FADS3: variants seen among roughly 807,000 people sequenced by gnomAD.
The protein encoded by FADS3 is fatty acid desaturase 3.
A neutral mutation model predicts 60.4 loss-of-function variants in FADS3; 30 were observed. The ratio of observed to expected loss-of-function variants is 0.50; its 90% CI spans 0.37 to 0.67. FADS3 has a LOEUF of 0.67. FADS3 is among the 30% of genes least tolerant of loss of function. The pLI is 0.00. For synonymous variants in FADS3, 234 were observed against 249.3 expected, an observed-to-expected ratio of 0.94 and a Z score of 0.58; for missense variants, 432 against 598.3, an observed-to-expected ratio of 0.72 and a Z score of 2.90.
chr11:61,878,243 A>G (rs757053135), intron 5 of FADS3, 28 bp from the exon 6 acceptor site: 21 of 1,610,356 alleles, frequency 1.3e-5, no homozygotes, highest in East Asian at 2.2e-5. Flanking sequence ...GGCTGGAGAC[A>G]GCAGCTCTCC....
At chr11:61,891,009 C>T (rs1331794311) in intron 1 of FADS3, among the ~76,000 whole-genome samples, 160 bp downstream of exon 1, 1 of 152,222 alleles carries the variant, frequency 6.6e-6, no homozygotes, top group African/African-American at 2.4e-5. Context: ...CCACATCTGG[C>T]CCTGGCTAGT....
At chr11:61,878,002 G>T in intron 6 of FADS3, 153 bp downstream of exon 6, 1 of 724,994 alleles carries the variant, frequency 1.4e-6, no homozygotes, top group Non-Finnish European at 2.4e-6. Flanking sequence ...GGGAGAGTGT[G>T]TACAGACTGC....
intron 11 of FADS3, among the ~76,000 whole-genome samples, chr11:61,874,503 C>T (rs1460797026): frequency 6.6e-6 from 1 of 152,216 alleles, no homozygotes; most frequent in East Asian, 1.9e-4. Flanking sequence ...GCCCCATCAC[C>T]CCTCGCCTGG....
In FADS3 at chr11:61,873,874, TG is replaced by T; in HGVS notation, c.1287-10del. 4.8e-6 allele frequency: 5 copies of T among 1,032,484 alleles called. No homozygotes were observed. The highest frequency in any genetic ancestry group is 5.1e-6 in the Non-Finnish European group (4 of 776,932). 64.0% of individuals were successfully genotyped at this position (1,032,484 alleles called of 1,614,324 possible). On this transcript the variant is annotated splice_polypyrimidine_tract_variant and intron_variant, in intron 11 of 11. Transcript: ENST00000278829. ...CAGACTTCTTCAGGGACCTGGGAGG[TG>T]GGGGTGGCAGTGGGGGTGGGTGTTA... is the stretch of plus-strand genomic sequence containing the variant.
chr11:61,883,484 C>A (rs185247265), intron 1 of FADS3, among the ~76,000 whole-genome samples: 2 of 152,348 alleles, frequency 1.3e-5, no homozygotes, highest in East Asian at 3.9e-4. Context: ...CCAGCCCACA[C>A]CAGCAGGCAT....
chr11:61,888,345 G>T lies in FADS3; in HGVS notation c.213+2824C>A, dbSNP rs369215117. Among the ~76,000 whole-genome samples the T allele has an allele frequency of 2.4e-4, 37 of 152,348 alleles. No homozygotes were observed. The East Asian group carries it at 6.7e-3, about 28-fold the overall frequency. On this transcript the variant is annotated intron_variant, in intron 1 of 11. Coordinates refer to ENST00000278829, the MANE Select transcript of FADS3 (RefSeq NM_021727.5). ...ACTGGCTGCCCCACCTCCACCTGAG[G>T]CCACCGCCCGGGATGGGATGCCTGG...
intron 1 of FADS3, among the ~76,000 whole-genome samples, chr11:61,884,720 T>C (rs1034025983): frequency 6.6e-6 from 1 of 151,944 alleles, no homozygotes; most frequent in Non-Finnish European, 1.5e-5. Flanking sequence ...CCCAGGAACA[T>C]CCACCCAGGG....
At chr11:61,878,276 A>AG in intron 5 of FADS3, 61 bp from the exon 6 acceptor site, 1 of 1,559,174 alleles carries the variant, frequency 6.4e-7, no homozygotes, top group Non-Finnish European at 8.8e-7. Context: ...TCTCCCGGGC[A>AG]AGGTCACGGG....
At chr11:61,884,396 C>T (rs190987973) in intron 1 of FADS3, among the ~76,000 whole-genome samples, 2 of 152,272 alleles carry the variant, frequency 1.3e-5, no homozygotes, top group Non-Finnish European at 2.9e-5. Flanking sequence ...TTGACGGGTG[C>T]AGCAAACCAC....
intron 2 of FADS3, 149 bp downstream of exon 2, chr11:61,879,892 C>T: frequency 1.6e-6 from 1 of 632,880 alleles, no homozygotes; most frequent in Admixed American, 3.0e-5. Flanking sequence ...CTGCCTGCCC[C>T]CTGGGAGGGG....
chr11:61,876,026 G>A lies in FADS3; in HGVS notation c.1161-50C>T. 6.2e-7 allele frequency: 1 copy of A among 1,612,120 alleles called. No homozygotes were observed. The highest frequency in any genetic ancestry group is 8.5e-7 in the Non-Finnish European group (1 of 1,179,230). On this transcript the variant is annotated intron_variant, in intron 10 of 11. Transcript: ENST00000278829. This position sits in a 1 kb window ranked among gnomAD's most constrained non-coding sequence, Gnocchi z 5.7. ...CACCTGAAGTGGGAGATTCCAGAGA[G>A]AGGCCCCACCCACGGGTCCCCTCCC...
rs1420697354 is a variant in FADS3 at position 61,891,537 on chromosome 11, T to C, written c.-156A>G. 7.5e-5 allele frequency: 30 copies of C among 397,724 alleles called. No individual in the cohort carries two copies. Among genetic ancestry groups the C allele is most frequent in the South Asian group, 2.4e-4 (2 of 8,474 alleles). 24.6% of individuals were successfully genotyped at this position (397,724 alleles called of 1,614,324 possible). Reference sequence around the variant, plus strand: ...GCCGCCGTACGAGCGAGCGTGCGCCTCCCGGCTCGCGGCGCAGGGAACTCC... The same window carrying C: ...GCCGCCGTACGAGCGAGCGTGCGCCCCCCGGCTCGCGGCGCAGGGAACTCC... On this transcript the variant is annotated 5_prime_UTR_variant, in exon 1 of 12. Coordinates refer to ENST00000278829, the MANE Select transcript of FADS3 (RefSeq NM_021727.5).
At position 61,878,606 on chromosome 11, in the gene FADS3, C is replaced by T; in HGVS notation, c.653G>A (p.Arg218His). The T allele has an allele frequency of 1.2e-6, 2 of 1,614,114 alleles. No homozygotes were observed. The highest frequency in any genetic ancestry group is 8.5e-7 in the Non-Finnish European group (1 of 1,179,998). ...GGGCTTGGCGTGGTGCTGGAAGTGG[C>T]GGAAGTTCCACCAGTGGGCGGAGAA... ...KGFSAHWWNF[R>H]HFQHHAKPNI... The change falls in exon 5 of 12, where the codon CGC becomes CAC. Residue 218 changes from arginine (R) to histidine (H), a missense_variant. Arg to His is a conservative substitution (Grantham distance 29). Transcript: ENST00000278829.
intron 1 of FADS3, among the ~76,000 whole-genome samples, chr11:61,890,679 G>A (rs1938473833): frequency 6.6e-6 from 1 of 152,172 alleles, no homozygotes; most frequent in Non-Finnish European, 1.5e-5. Flanking sequence ...CTGCTAGCCC[G>A]GAGAGGTGAG....
At chr11:61,873,886 T>C in intron 11 of FADS3, 21 bp from the exon 12 acceptor site, 2 of 1,087,526 alleles carry the variant, frequency 1.8e-6, no homozygotes, top group East Asian at 6.5e-5. Flanking sequence ...GGGGTGGCAG[T>C]GGGGGTGGGT....
intron 11 of FADS3, among the ~76,000 whole-genome samples, chr11:61,875,393 T>TGG (rs1937833191): frequency 7.0e-6 from 1 of 143,370 alleles, no homozygotes; most frequent in Non-Finnish European, 1.5e-5. Flanking sequence ...TTTTTTTTTT[T>TGG]TTTTTTTTTT....
At chr11:61,887,241 C>G (rs909116047) in intron 1 of FADS3, among the ~76,000 whole-genome samples, 1 of 152,238 alleles carries the variant, frequency 6.6e-6, no homozygotes. Context: ...CAACATGAAG[C>G]TAAATCTAAT....
Position 61,878,501 on chromosome 11 carries a change from T to C in FADS3, c.747+11A>G. ...CCCAGCCAGAGGTTGTCCACGTCCC[T>C]CCCCACCCACCTCGACGGATGACTC... is the stretch of plus-strand genomic sequence containing the variant. On this transcript the variant is annotated intron_variant, in intron 5 of 11. Coordinates refer to ENST00000278829, the MANE Select transcript of FADS3 (RefSeq NM_021727.5). 6.2e-7 allele frequency: 1 copy of C among 1,612,646 alleles called. No homozygotes were observed. Among genetic ancestry groups the C allele is most frequent in the Middle Eastern group, 1.7e-4 (1 of 6,054 alleles).
Position 61,877,808 on chromosome 11 carries a change from A to G in FADS3, c.809-221T>C. The G allele has an allele frequency of 1.7e-6, 1 of 602,332 alleles. No individual in the cohort carries two copies. Among genetic ancestry groups the G allele is most frequent in the Non-Finnish European group, 3.0e-6 (1 of 337,160 alleles). 37.3% of individuals were successfully genotyped at this position (602,332 alleles called of 1,614,324 possible). On this transcript the variant is annotated intron_variant, in intron 6 of 11. Coordinates refer to ENST00000278829, the MANE Select transcript of FADS3 (RefSeq NM_021727.5). This position sits in a 1 kb window ranked among gnomAD's most constrained non-coding sequence, Gnocchi z 4.7. ...CCACCCTTCACCGCAAGTCAGGGCC[A>G]GACTTGAGTCCTCACTCTGTCCGCC... is the stretch of plus-strand genomic sequence containing the variant.
Sources: allele counts gnomAD v4.1 joint callset (sites outside exome capture counted in the v4.1 genomes callset), GRCh38; gene constraint gnomAD v4.1.1; non-coding constraint Gnocchi (gnomAD v3.1); transcripts MANE v1.5; gene names NCBI Gene and HGNC (gene_info 2026-07-23, HGNC 2026-07-21).